Variants in FBXL7 observed in about 807,000 individuals in gnomAD.
The protein encoded by FBXL7 is F-box and leucine rich repeat protein 7.
FBXL7 carries 12 observed loss-of-function variants against 38.3 expected under a neutral mutation model. The observed-to-expected ratio is 0.31, with a 90% confidence interval of 0.20 to 0.51. FBXL7 has a LOEUF of 0.51. Among genes scored for constraint, FBXL7 ranks in the 20% least tolerant of loss-of-function variants. The probability of loss-of-function intolerance (pLI) is 0.98; values close to 1 mark genes in which losing one functional copy is unlikely to be tolerated. For synonymous variants in FBXL7, 297 were observed against 300.9 expected, an observed-to-expected ratio of 0.99 and a Z score of 0.13; for missense variants, 567 against 676.4, an observed-to-expected ratio of 0.84 and a Z score of 1.79.
intron 1 of FBXL7, among the ~76,000 whole-genome samples, chr5:15,613,015 T>C (rs1265238309): frequency 6.6e-6 from 1 of 152,240 alleles, no homozygotes; most frequent in African/African-American, 2.4e-5. Context: ...AGTTTTATTA[T>C]TGAATCAGAG....
At chr5:15,813,347 C>T (rs1035963606) in intron 2 of FBXL7, among the ~76,000 whole-genome samples, 12 of 152,134 alleles carry the variant, frequency 7.9e-5, no homozygotes, top group African/African-American at 1.9e-4. Flanking sequence ...ATTTAATAAA[C>T]GATATTGGGA....
intron 2 of FBXL7, among the ~76,000 whole-genome samples, chr5:15,881,096 G>A (rs1448894517): frequency 6.6e-6 from 1 of 151,946 alleles, no homozygotes; most frequent in Non-Finnish European, 1.5e-5. Context: ...ACATGAATAA[G>A]TTCTTTAGTG....
At chr5:15,573,937 C>T (rs1483430290) in intron 1 of FBXL7, among the ~76,000 whole-genome samples, 3 of 152,162 alleles carry the variant, frequency 2.0e-5, no homozygotes, top group African/African-American at 7.2e-5. Flanking sequence ...GTCATATAAA[C>T]ATAAAGCTGA....
intron 2 of FBXL7, among the ~76,000 whole-genome samples, chr5:15,863,242 A>G (rs946638134): frequency 6.6e-6 from 1 of 152,240 alleles, no homozygotes; most frequent in Non-Finnish European, 1.5e-5. Context: ...ATAGAAGCTT[A>G]AGAGAAGAAC....
chr5:15,738,624 A>G lies in FBXL7; in HGVS notation c.127+122552A>G, dbSNP rs111826997. Reference sequence around the variant, plus strand: ...TTGAATTTTGTAATAAGACCTGCTTACTTTCTCTAAAAGAGCAAAGCGAAC... The same window carrying G: ...TTGAATTTTGTAATAAGACCTGCTTGCTTTCTCTAAAAGAGCAAAGCGAAC... On this transcript the variant is annotated intron_variant, in intron 2 of 3. Transcript: ENST00000504595. 1.0e-3 allele frequency among the ~76,000 whole-genome samples: 157 copies of G among 152,278 alleles called. 1 individual carries two copies. Among genetic ancestry groups the G allele is most frequent in the African/African-American group, 3.7e-3 (154 of 41,560 alleles).
At chr5:15,600,184 C>T (rs1319519507) in intron 1 of FBXL7, among the ~76,000 whole-genome samples, 1 of 152,184 alleles carries the variant, frequency 6.6e-6, no homozygotes, top group Non-Finnish European at 1.5e-5. Context: ...ACCTTCACTG[C>T]GTATCCTCTG....
chr5:15,840,692 C>T (rs1395283310), intron 2 of FBXL7, among the ~76,000 whole-genome samples: 2 of 151,816 alleles, frequency 1.3e-5, no homozygotes, highest in African/African-American at 4.8e-5. Context: ...ACTAAAAATA[C>T]AAAAATTAGC....
chr5:15,612,484 T>C (rs985261221), intron 1 of FBXL7, among the ~76,000 whole-genome samples: 3 of 152,180 alleles, frequency 2.0e-5, no homozygotes, highest in African/African-American at 7.2e-5. Context: ...TCAGCACACA[T>C]GTCCTCACGT....
chr5:15,809,357 G>A (rs1404599415), intron 2 of FBXL7, among the ~76,000 whole-genome samples: 5 of 152,154 alleles, frequency 3.3e-5, no homozygotes, highest in African/African-American at 4.8e-5. Flanking sequence ...CACAGAACCC[G>A]GGACCCAACA....
intron 2 of FBXL7, among the ~76,000 whole-genome samples, chr5:15,803,513 A>T (rs1324460459): frequency 6.6e-6 from 1 of 151,992 alleles, no homozygotes; most frequent in Non-Finnish European, 1.5e-5. Context: ...TTTGTTACTC[A>T]TATTTTCCCC....
chr5:15,575,428 G>A (rs1738926502), intron 1 of FBXL7, among the ~76,000 whole-genome samples: 1 of 152,134 alleles, frequency 6.6e-6, no homozygotes, highest in South Asian at 2.1e-4. Context: ...ACAAACAAGA[G>A]TGTTTTCTTG....
chr5:15,582,420 A>C (rs1420350765), intron 1 of FBXL7, among the ~76,000 whole-genome samples: 2 of 152,256 alleles, frequency 1.3e-5, no homozygotes, highest in Admixed American at 1.3e-4. Context: ...AAAAGGAAAG[A>C]GAAATCTCCT....
chr5:15,863,390 A>T (rs1739563670), intron 2 of FBXL7, among the ~76,000 whole-genome samples: 1 of 152,212 alleles, frequency 6.6e-6, no homozygotes, highest in African/African-American at 2.4e-5. Flanking sequence ...CTTTTGCCAG[A>T]GAATATAGAG....
intron 2 of FBXL7, among the ~76,000 whole-genome samples, chr5:15,731,178 C>T (rs1436638709): frequency 2.0e-5 from 3 of 152,082 alleles, no homozygotes; most frequent in Admixed American, 6.5e-5. Flanking sequence ...GAAGGATCCT[C>T]AAGGGCTGTG....
chr5:15,503,335 C>A (rs955700549), intron 1 of FBXL7, among the ~76,000 whole-genome samples: 1 of 152,158 alleles, frequency 6.6e-6, no homozygotes, highest in Admixed American at 6.5e-5. Context: ...GCAGGAGAAT[C>A]GCTTGAACCT....
At chr5:15,586,079 T>A (rs1739293413) in intron 1 of FBXL7, among the ~76,000 whole-genome samples, 2 of 152,316 alleles carry the variant, frequency 1.3e-5, no homozygotes, top group African/African-American at 4.8e-5. Context: ...TTTTTCCAAG[T>A]TGGGCTCCAA....
intron 2 of FBXL7, among the ~76,000 whole-genome samples, chr5:15,865,892 C>T (rs1281884830): frequency 1.3e-5 from 2 of 152,234 alleles, no homozygotes; most frequent in Middle Eastern, 3.4e-3. Context: ...TCAGAGAAAA[C>T]AATCCCCTAA....
intron 2 of FBXL7, among the ~76,000 whole-genome samples, chr5:15,653,308 A>G (rs893527140): frequency 6.6e-6 from 1 of 152,238 alleles, no homozygotes; most frequent in African/African-American, 2.4e-5. Context: ...ATTTGTAAAG[A>G]ATGCAGTATT....
At chr5:15,546,748 A>T (rs1454937547) in intron 1 of FBXL7, among the ~76,000 whole-genome samples, 97 of 152,276 alleles carry the variant, frequency 6.4e-4, no homozygotes, top group Admixed American at 6.3e-3. Context: ...AAACAAAAAA[A>T]ATTGCTTCTA....
Sources: gnomAD v4.1 joint callset for allele counts (sites outside exome capture counted in the v4.1 genomes callset) on GRCh38, gnomAD v4.1.1 for gene constraint, MANE v1.5 for transcripts, NCBI Gene and HGNC (gene_info 2026-07-23, HGNC 2026-07-21) for gene names.